The following SLC30A8 variants were observed in gnomAD, a reference collection of about 807,000 sequenced individuals.
SLC30A8 encodes the protein solute carrier family 30 member 8, also known as proton-coupled zinc antiporter SLC30A8.
A neutral mutation model predicts 36.9 loss-of-function variants in SLC30A8; 27 were observed. The observed-to-expected ratio is 0.73, with a 90% CI of 0.54 to 1.01. The LOEUF (loss-of-function observed/expected upper bound fraction) is 1.01, where lower values mean the gene tolerates loss of function less well. SLC30A8 is among the 50% of genes least tolerant of loss of function. The pLI, the probability that SLC30A8 is intolerant of heterozygous loss-of-function variation, is 0.00. For missense variants in SLC30A8, 439 were observed against 452.0 expected (o/e 0.97, Z 0.26); for synonymous variants, 164 against 172.4 (o/e 0.95, Z 0.38).
intron 2 of SLC30A8, among the ~76,000 whole-genome samples, chr8:117,102,072 T>TGGG (rs1819748711): frequency 6.6e-6 from 1 of 152,166 alleles, no homozygotes; most frequent in African/African-American, 2.4e-5. Context: ...TCATGCTAGA[T>TGGG]TCCAACTTGT....
intron 6 of SLC30A8, among the ~76,000 whole-genome samples, chr8:117,169,155 A>ATAGAG (rs1371626923): frequency 6.6e-6 from 1 of 152,132 alleles, no homozygotes; most frequent in Non-Finnish European, 1.5e-5. Flanking sequence ...TTTGCCACTC[A>ATAGAG]TAGAGTAAAA....
upstream of SLC30A8, among the ~76,000 whole-genome samples, chr8:117,131,609 C>A (rs925892066): frequency 3.3e-5 from 5 of 151,894 alleles, no homozygotes; most frequent in African/African-American, 9.7e-5. Flanking sequence ...AGCTGAAGTC[C>A]CCAGATCTTC....
intron 1 of SLC30A8, among the ~76,000 whole-genome samples, chr8:117,025,201 G>C (rs1031869189): frequency 6.6e-6 from 1 of 152,172 alleles, no homozygotes; most frequent in East Asian, 1.9e-4. Flanking sequence ...ACTAATGTGT[G>C]CTCCATGAAA....
intron 2 of SLC30A8, among the ~76,000 whole-genome samples, chr8:117,152,426 A>ATTTC (rs1822235060): frequency 6.6e-6 from 1 of 152,060 alleles, no homozygotes; most frequent in Non-Finnish European, 1.5e-5. Context: ...GCTCCCTGTT[A>ATTTC]TTTCTTACAG....
chr8:116,981,822 G>A (rs933404759), intron 1 of SLC30A8, among the ~76,000 whole-genome samples: 3 of 152,146 alleles, frequency 2.0e-5, no homozygotes, highest in Non-Finnish European at 2.9e-5. Flanking sequence ...TATGATTGAT[G>A]GGCATTTAGG....
At chr8:116,976,007 C>T (rs1814989235) in intron 1 of SLC30A8, among the ~76,000 whole-genome samples, 1 of 152,064 alleles carries the variant, frequency 6.6e-6, no homozygotes, top group Non-Finnish European at 1.5e-5. Context: ...GAACTAGAAG[C>T]CAATAAGGAA....
In SLC30A8 at chr8:117,147,015, C is replaced by T. The variant is rs148043363; in HGVS notation, c.133C>T (p.Leu45=). The T allele has an allele frequency of 1.2e-6, 2 of 1,613,958 alleles. No individual in the cohort carries two copies. The highest frequency in any genetic ancestry group is 2.2e-5 in the South Asian group (2 of 91,082). ...GTGTCCCAGAGAGAGACCAGAGGAGCTGGAGTCAGGAGGCATGTACCACTG... is the reference window on the plus strand; with the variant it reads ...GTGTCCCAGAGAGAGACCAGAGGAGTTGGAGTCAGGAGGCATGTACCACTG... ...DQCPRERPEE[L]ESGGMYHCHS... is the part of the protein sequence containing the mutation. The change falls in exon 2 of 8, where the codon CTG becomes TTG. Residue 45 remains leucine (L), a synonymous_variant. Transcript: ENST00000456015.
rs1491222705 is a variant in SLC30A8 at position 117,097,932 on chromosome 8, T to TTAA, written c.-225-37348_-225-37347insTAA. 9.9e-3 allele frequency among the ~76,000 whole-genome samples: 1,047 copies of TTAA among 106,244 alleles called. 55 individuals are homozygous for TTAA. Among genetic ancestry groups the TTAA allele is most frequent in the African/African-American group, 0.034 (832 of 24,358 alleles). 69.7% of individuals were successfully genotyped at this position (106,244 alleles called of 152,430 possible). A position where few individuals can be genotyped will look rare whatever the true frequency, so the allele number is the denominator to read the frequency against. ...TATAATTTTAAATAAATATATATATTATATATAATATATAATTTTAAATAA... is the reference window on the plus strand; with the variant it reads ...TATAATTTTAAATAAATATATATATTTAAATATATAATATATAATTTTAAATAA... On this transcript the variant is annotated intron_variant, in intron 2 of 10. Transcript: ENST00000427715.
chr8:117,151,741 C>A (rs537477140), intron 2 of SLC30A8, among the ~76,000 whole-genome samples: 1 of 152,304 alleles, frequency 6.6e-6, no homozygotes, highest in South Asian at 2.1e-4. Context: ...TGGAGTTATT[C>A]TCTGGGCAAG....
At chr8:117,156,092 T>A (rs375073041) in intron 3 of SLC30A8, among the ~76,000 whole-genome samples, 2 of 151,420 alleles carry the variant, frequency 1.3e-5, no homozygotes, top group African/African-American at 2.4e-5. Flanking sequence ...CGGGATGGAG[T>A]GCAGTGGCAC....
At chr8:117,054,567 A>G (rs979388899) in intron 2 of SLC30A8, among the ~76,000 whole-genome samples, 2 of 152,046 alleles carry the variant, frequency 1.3e-5, no homozygotes, top group Non-Finnish European at 2.9e-5. Context: ...GCCTTTTTGC[A>G]CTAATTAGCA....
At chr8:117,111,259 A>G (rs1272790805) in intron 2 of SLC30A8, among the ~76,000 whole-genome samples, 3 of 152,216 alleles carry the variant, frequency 2.0e-5, no homozygotes, top group East Asian at 3.9e-4. Flanking sequence ...GGATCCAGAT[A>G]TAAGAAAAGA....
At chr8:117,064,515 C>T (rs995305564) in intron 2 of SLC30A8, among the ~76,000 whole-genome samples, 4 of 152,144 alleles carry the variant, frequency 2.6e-5, no homozygotes, top group South Asian at 2.1e-4. Context: ...GATATTACAG[C>T]GAGATCTCAG....
intron 2 of SLC30A8, among the ~76,000 whole-genome samples, chr8:117,068,796 C>A (rs944141572): frequency 6.6e-6 from 1 of 152,030 alleles, no homozygotes; most frequent in Non-Finnish European, 1.5e-5. Flanking sequence ...AGGCTGGTCT[C>A]GAACTCCTGA....
At chr8:117,165,286 A>G (rs16889450) in intron 6 of SLC30A8, among the ~76,000 whole-genome samples, 3,749 of 152,300 alleles carry the variant, frequency 0.025, 126 homozygotes, top group African/African-American at 0.071. Context: ...AGAACACAGT[A>G]GGAGCTCAGT....
rs891909354 is a variant in SLC30A8, at chr8:117,013,078, C to G, written c.-265-26141C>G. ...TACTTTCTTGGAGATTCATTACTAC[C>G]TGTGTCAGGAGAGGTATAGCTTTGA... On this transcript the variant is annotated intron_variant, in intron 1 of 10. Coordinates refer to the SLC30A8 transcript ENST00000427715. Among the ~76,000 whole-genome samples the G allele has an allele frequency of 6.6e-5, 10 of 152,170 alleles. No individual in the cohort carries two copies. In the East Asian group the frequency reaches 1.4e-3, roughly 21 times the overall value.
At chr8:116,994,470 T>C (rs1405287672) in intron 1 of SLC30A8, among the ~76,000 whole-genome samples, 1 of 152,056 alleles carries the variant, frequency 6.6e-6, no homozygotes, top group Non-Finnish European at 1.5e-5. Context: ...TGAAAAAAAT[T>C]ACAACTACAC....
At chr8:117,120,793 A>G (rs561891127) in intron 2 of SLC30A8, among the ~76,000 whole-genome samples, 3 of 151,954 alleles carry the variant, frequency 2.0e-5, no homozygotes, top group Admixed American at 6.6e-5. Flanking sequence ...TCTGAACCCA[A>G]ATAACCTGGT....
At chr8:117,007,021 G>A (rs62510468) in intron 1 of SLC30A8, 3,429 of 126,968 alleles carry the variant, frequency 0.027, 73 homozygotes, top group Non-Finnish European at 0.034. Context: ...GGCCAGGCTG[G>A]TCTTGAACTC....
Sources: allele counts gnomAD v4.1 joint callset (sites outside exome capture counted in the v4.1 genomes callset), GRCh38; gene constraint gnomAD v4.1.1; transcripts MANE v1.5; gene names NCBI Gene and HGNC (gene_info 2026-07-23, HGNC 2026-07-21).